TULP4: variants seen among roughly 807,000 people sequenced by gnomAD.
The protein encoded by TULP4 is tubby-related protein 4.
Under a neutral mutation model 129.0 loss-of-function variants are expected in TULP4, and 16 were observed. The ratio of observed to expected loss-of-function variants is 0.12; its 90% CI spans 0.08 to 0.19. The LOEUF is 0.19. TULP4 is among the 10% of genes least tolerant of loss of function. The pLI, the probability that TULP4 is intolerant of heterozygous loss-of-function variation, is 1.00. For synonymous variants in TULP4, 998 were observed against 854.0 expected, an observed-to-expected ratio of 1.17 and a Z score of -2.94; for missense variants, 1,842 against 2,059.1, an observed-to-expected ratio of 0.89 and a Z score of 2.04.
intron 1 of TULP4, among the ~76,000 whole-genome samples, chr6:158,403,859 G>A (rs953578425): frequency 1.3e-5 from 2 of 152,180 alleles, no homozygotes; most frequent in African/African-American, 2.4e-5. Context: ...ACTTGTGTGC[G>A]TGTGTGGCGT....
At chr6:158,296,588 G>A (rs921221027) in intron 1 of TULP4, among the ~76,000 whole-genome samples, 2 of 151,446 alleles carry the variant, frequency 1.3e-5, no homozygotes, top group African/African-American at 4.9e-5. Flanking sequence ...ACAGGACAAA[G>A]GGCAAAAGCA....
intron 3 of TULP4, among the ~76,000 whole-genome samples, chr6:158,434,994 G>A (rs1026576564): frequency 5.9e-5 from 9 of 152,320 alleles, no homozygotes; most frequent in African/African-American, 9.6e-5. Context: ...GCCCCCACAC[G>A]TTTCTCTGCT....
intron 1 of TULP4, among the ~76,000 whole-genome samples, chr6:158,388,313 CTCGTTTT>C: frequency 7.5e-6 from 1 of 133,422 alleles, no homozygotes; most frequent in Admixed American, 7.8e-5. Context: ...AAATAATCTG[CTCGTTTT>C]TCTTTTTTTT....
chr6:158,373,423 C>T (rs577216695), intron 1 of TULP4, among the ~76,000 whole-genome samples: 41 of 152,276 alleles, frequency 2.7e-4, no homozygotes, highest in Non-Finnish European at 4.1e-4. Flanking sequence ...AAGAAGCCAA[C>T]GTGACTGCTG....
At chr6:158,372,774 A>G (rs537081279) in intron 1 of TULP4, among the ~76,000 whole-genome samples, 1 of 152,298 alleles carries the variant, frequency 6.6e-6, no homozygotes, top group South Asian at 2.1e-4. Context: ...TCCCAGCTCC[A>G]CCATATTTCT....
At chr6:158,384,289 C>CTTTTT (rs10634916) in intron 1 of TULP4, among the ~76,000 whole-genome samples, 7 of 144,460 alleles carry the variant, frequency 4.8e-5, no homozygotes, top group African/African-American at 5.1e-5. Flanking sequence ...GCCTGTTTAG[C>CTTTTT]TTTTTTTTTT....
chr6:158,253,660 CTCTT>C (rs1384403357), intron 1 of TULP4, among the ~76,000 whole-genome samples: 1 of 152,020 alleles, frequency 6.6e-6, no homozygotes, highest in Non-Finnish European at 1.5e-5. Flanking sequence ...ATAATCTCCC[CTCTT>C]TCTAACTAAA....
intron 1 of TULP4, among the ~76,000 whole-genome samples, chr6:158,357,859 C>G (rs980620546): frequency 6.6e-6 from 1 of 152,060 alleles, no homozygotes; most frequent in East Asian, 1.9e-4. Context: ...AGTTACGTGT[C>G]GTATTGAGAA....
At chr6:158,400,832 CCT>C (rs1487786098) in intron 1 of TULP4, among the ~76,000 whole-genome samples, 1 of 151,944 alleles carries the variant, frequency 6.6e-6, no homozygotes, top group African/African-American at 2.4e-5. Context: ...GTGCCTGGCC[CCT>C]GTGTACCTGC....
At chr6:158,428,649 G>T (rs1006084789) in intron 2 of TULP4, among the ~76,000 whole-genome samples, 1 of 151,878 alleles carries the variant, frequency 6.6e-6, no homozygotes, top group Admixed American at 6.5e-5. Context: ...GATTGAGGGG[G>T]TATTGTTAGC....
intron 1 of TULP4, among the ~76,000 whole-genome samples, chr6:158,328,336 G>A (rs1329660093): frequency 6.6e-6 from 1 of 151,932 alleles, no homozygotes; most frequent in Non-Finnish European, 1.5e-5. Flanking sequence ...GTACAGAGAC[G>A]TTAAGCAGCT....
At chr6:158,334,849 T>A (rs1398215991) in intron 1 of TULP4, among the ~76,000 whole-genome samples, 1 of 152,218 alleles carries the variant, frequency 6.6e-6, no homozygotes, top group Non-Finnish European at 1.5e-5. Flanking sequence ...AAGGGCTTTA[T>A]TTCTCTGTTC....
At chr6:158,240,688 G>A (rs574950304) in intron 1 of TULP4, among the ~76,000 whole-genome samples, 1 of 118,144 alleles carries the variant, frequency 8.5e-6, no homozygotes, top group South Asian at 2.8e-4. Context: ...CAGCTGGCCA[G>A]GCGGGGGGCT....
chr6:158,498,411 C>T (rs537598662), intron 11 of TULP4, among the ~76,000 whole-genome samples: 12 of 152,198 alleles, frequency 7.9e-5, no homozygotes, highest in East Asian at 7.7e-4. Context: ...ATTTGTAGTT[C>T]TGTAGACAAA....
At chr6:158,423,550 T>C (rs1359586884) in intron 2 of TULP4, among the ~76,000 whole-genome samples, 9 of 152,260 alleles carry the variant, frequency 5.9e-5, no homozygotes, top group Admixed American at 5.9e-4. Context: ...TTGTACTCTA[T>C]ACATATATAC....
In TULP4 at chr6:158,312,901, G is replaced by C. The variant is rs1024044890; in HGVS notation, c.-1116G>C. 34 of 152,186 alleles carry C rather than the reference G, an allele frequency of 2.2e-4. No homozygotes were observed. The highest frequency in any genetic ancestry group is 7.5e-4 in the African/African-American group (31 of 41,434). 9.4% of individuals were successfully genotyped at this position (152,186 alleles called of 1,614,324 possible). On this transcript the variant is annotated 5_prime_UTR_variant, in exon 1 of 14. Coordinates refer to ENST00000367097, the MANE Select transcript of TULP4 (RefSeq NM_020245.5). ...CTGGGGGAATCTGACTCTGGCTTCTGCTTTTGTTTTAAGGGATTAACTTCC... is the reference window on the plus strand; with the variant it reads ...CTGGGGGAATCTGACTCTGGCTTCTCCTTTTGTTTTAAGGGATTAACTTCC...
chr6:158,341,746 A>G (rs959193505), intron 1 of TULP4, among the ~76,000 whole-genome samples: 1 of 151,798 alleles, frequency 6.6e-6, no homozygotes, highest in Non-Finnish European at 1.5e-5. Flanking sequence ...TTTTGCCAAT[A>G]TTTTAATTGT....
chr6:158,368,885 A>G (rs827994), intron 1 of TULP4, among the ~76,000 whole-genome samples: 102,269 of 152,056 alleles, frequency 0.67, 34,931 homozygotes, highest in Middle Eastern at 0.74. Flanking sequence ...ATAGTATTTA[A>G]TAGATTATTT....
intron 1 of TULP4, among the ~76,000 whole-genome samples, chr6:158,248,761 A>G (rs1778081146): frequency 6.6e-6 from 1 of 151,946 alleles, no homozygotes; most frequent in African/African-American, 2.4e-5. Flanking sequence ...TAAATAAGTA[A>G]GTAAGTAAAT....
Sources: gnomAD v4.1 joint callset for allele counts (sites outside exome capture counted in the v4.1 genomes callset) on GRCh38, gnomAD v4.1.1 for gene constraint, MANE v1.5 for transcripts, NCBI Gene and HGNC (gene_info 2026-07-23, HGNC 2026-07-21) for gene names.